CSTPP1: variants seen among roughly 807,000 people sequenced by gnomAD.
CSTPP1 encodes UPF0705 protein C11orf49.
chr11:47,090,629 A>G, the CSTPP1 span, among the ~76,000 whole-genome samples: 1 of 152,222 alleles, frequency 6.6e-6, no homozygotes, highest in Non-Finnish European at 1.5e-5. Context: ...AATAATAGCT[A>G]TCATTTAATG....
chr11:47,114,740 A>G, the CSTPP1 span, among the ~76,000 whole-genome samples: 116 of 152,292 alleles, frequency 7.6e-4, 1 homozygote, highest in African/African-American at 2.7e-3. Flanking sequence ...GGCTGCGACA[A>G]TGGGTTTTCT....
the CSTPP1 span, among the ~76,000 whole-genome samples, chr11:47,010,085 G>T: frequency 0.017 from 2,615 of 152,188 alleles, 45 homozygotes; most frequent in Admixed American, 0.061. Context: ...TTATTTATAC[G>T]GTCAGGAAAG....
the CSTPP1 span, among the ~76,000 whole-genome samples, chr11:47,039,514 T>G: frequency 3.2e-3 from 407 of 126,076 alleles, 29 homozygotes; most frequent in African/African-American, 9.6e-3. Context: ...CTCTGGTACT[T>G]TCTTATAGCC....
At chr11:47,036,662 ATTTGTTTTGT>A in the CSTPP1 span, among the ~76,000 whole-genome samples, 80 of 124,992 alleles carry the variant, frequency 6.4e-4, 6 homozygotes, top group African/African-American at 1.4e-3. Flanking sequence ...GAGCTCATAG[ATTTGTTTTGT>A]TTTGTTTTGT....
chr11:47,157,967 A>G, the CSTPP1 span: 6 of 1,541,542 alleles, frequency 3.9e-6, no homozygotes, highest in Non-Finnish European at 4.5e-6. Context: ...GCCGCACAAC[A>G]CAGGGAGCAG....
the CSTPP1 span, among the ~76,000 whole-genome samples, chr11:47,059,366 C>CA: frequency 2.0e-4 from 30 of 151,442 alleles, no homozygotes; most frequent in Non-Finnish European, 4.3e-4. Context: ...CCCTCTCTGC[C>CA]AAAAAAAACC....
chr11:46,955,998 C>T, the CSTPP1 span, among the ~76,000 whole-genome samples: 2 of 142,158 alleles, frequency 1.4e-5, no homozygotes, highest in African/African-American at 5.5e-5. Flanking sequence ...CCCCCCCCCC[C>T]CACCAAAAAA....
the CSTPP1 span, among the ~76,000 whole-genome samples, chr11:47,070,494 G>A: frequency 6.6e-6 from 1 of 152,078 alleles, no homozygotes; most frequent in Admixed American, 6.5e-5. Flanking sequence ...AGCAGGCAAG[G>A]GGCCTGGGAA....
chr11:47,152,455 C>A, the CSTPP1 span, among the ~76,000 whole-genome samples: 1 of 152,108 alleles, frequency 6.6e-6, no homozygotes, highest in South Asian at 2.1e-4. Flanking sequence ...CTGTTTATAG[C>A]TTCTAGTCCC....
the CSTPP1 span, among the ~76,000 whole-genome samples, chr11:47,017,963 C>T: frequency 1.3e-5 from 2 of 152,176 alleles, no homozygotes; most frequent in Non-Finnish European, 2.9e-5. Flanking sequence ...CCACTGTGCC[C>T]AGCTTTATAC....
the CSTPP1 span, among the ~76,000 whole-genome samples, chr11:47,105,592 T>C: frequency 1.3e-5 from 2 of 152,190 alleles, no homozygotes; most frequent in Non-Finnish European, 2.9e-5. Flanking sequence ...GTACTAAACA[T>C]TTTTGTTATA....
chr11:47,086,254 A>AG, the CSTPP1 span, among the ~76,000 whole-genome samples: 2 of 147,548 alleles, frequency 1.4e-5, no homozygotes, highest in African/African-American at 5.0e-5. Context: ...AAAAAAAAAA[A>AG]AAATAGCTGG....
At chr11:47,012,666 G>A in the CSTPP1 span, among the ~76,000 whole-genome samples, 1 of 151,992 alleles carries the variant, frequency 6.6e-6, no homozygotes, top group Non-Finnish European at 1.5e-5. Flanking sequence ...ATAATGATAG[G>A]AATTGGCTGG....
the CSTPP1 span, among the ~76,000 whole-genome samples, chr11:47,040,724 T>A: frequency 8.7e-5 from 11 of 126,918 alleles, 4 homozygotes; most frequent in Admixed American, 7.7e-4. Flanking sequence ...CTGTGATCCA[T>A]GGGATGGATC....
the CSTPP1 span, among the ~76,000 whole-genome samples, chr11:46,986,377 A>ATACAC: frequency 6.6e-6 from 1 of 151,140 alleles, no homozygotes; most frequent in African/African-American, 2.4e-5. Context: ...TAACTTATAT[A>ATACAC]TACACCAGTA....
At chr11:47,038,104 T>C in the CSTPP1 span, among the ~76,000 whole-genome samples, 9 of 48,242 alleles carry the variant, frequency 1.9e-4, no homozygotes, top group Non-Finnish European at 4.2e-4. Context: ...GGCGGGGGGC[T>C]GACCCCCCCA....
the CSTPP1 span, among the ~76,000 whole-genome samples, chr11:47,071,538 G>A: frequency 6.6e-6 from 1 of 152,120 alleles, no homozygotes; most frequent in Non-Finnish European, 1.5e-5. Flanking sequence ...CTCCCTTGAG[G>A]GCAAAGACTG....
chr11:46,962,663 C>A, the CSTPP1 span, among the ~76,000 whole-genome samples: 2 of 152,068 alleles, frequency 1.3e-5, no homozygotes, highest in Non-Finnish European at 2.9e-5. Flanking sequence ...TAAATGTGTT[C>A]TTAAGTATTT....
At chr11:47,053,025 C>G in the CSTPP1 span, 3 of 152,982 alleles carry the variant, frequency 2.0e-5, no homozygotes, top group Admixed American at 2.0e-4. Context: ...GAAAGAAACT[C>G]CTGAATGGGG....
Sources: gnomAD v4.1 joint callset for allele counts (sites outside exome capture counted in the v4.1 genomes callset) on GRCh38, gnomAD v4.1.1 for gene constraint, MANE v1.5 for transcripts, NCBI Gene and HGNC (gene_info 2026-07-23, HGNC 2026-07-21) for gene names.